SCAF8: variants seen among roughly 807,000 people sequenced by gnomAD.
SCAF8 encodes SR-related CTD associated factor 8, also known as SR-related and CTD-associated factor 8.
Under a neutral mutation model 140.5 loss-of-function variants are expected in SCAF8, and 23 were observed. The observed-to-expected ratio is 0.16, with a 90% CI of 0.12 to 0.23. The LOEUF (loss-of-function observed/expected upper bound fraction) is 0.23. Among genes scored for constraint, SCAF8 ranks in the 10% least tolerant of loss-of-function variants. SCAF8 has a pLI of 1.00. For synonymous variants in SCAF8, 575 were observed against 528.9 expected, an observed-to-expected ratio of 1.09 and a Z score of -1.20; for missense variants, 1,397 against 1,555.7, an observed-to-expected ratio of 0.90 and a Z score of 1.72.
chr6:154,804,749 TG>T (rs912055565), intron 8 of SCAF8, among the ~76,000 whole-genome samples: 6 of 152,188 alleles, frequency 3.9e-5, no homozygotes, highest in African/African-American at 1.4e-4. Flanking sequence ...TTGGCTCTTT[TG>T]GGATGCCCTT....
rs1778328599 is a variant in SCAF8, at chr6:154,733,795, C to CA, written c.-106_-105insA. On this transcript the variant is annotated 5_prime_UTR_variant, in exon 1 of 20. Transcript: ENST00000367178. ...TCGCAGCGGCCCGCTCTCCCGCCAG[C>CA]GCCCCCTCCTCGCGGCCACGCAGCA... 7.1e-7 allele frequency: 1 copy of CA among 1,410,188 alleles called. No homozygotes were observed. The highest frequency in any genetic ancestry group is 1.5e-5 in the African/African-American group (1 of 66,972). 87.4% of individuals were successfully genotyped at this position (1,410,188 alleles called of 1,614,324 possible).
intron 9 of SCAF8, 41 bp from the exon 10 acceptor site, chr6:154,808,027 AAG>A (rs761304218): frequency 3.4e-5 from 52 of 1,547,452 alleles, no homozygotes; most frequent in Non-Finnish European, 4.5e-5. Context: ...TCATAACAAA[AAG>A]TATCTCCCAA....
chr6:154,803,650 GT>G (rs746488408), intron 8 of SCAF8, 27 bp downstream of exon 8: 5 of 1,424,522 alleles, frequency 3.5e-6, no homozygotes, highest in Admixed American at 1.7e-5. Context: ...TATAGCCATA[GT>G]TTTTTTATAT....
chr6:154,801,924 GA>G, intron 6 of SCAF8, 46 bp from the exon 7 acceptor site: 1 of 1,433,578 alleles, frequency 7.0e-7, no homozygotes, highest in South Asian at 1.4e-5. Context: ...CACTCTTACA[GA>G]AAAAACCCAA....
intron 10 of SCAF8, 130 bp downstream of exon 10, chr6:154,808,331 T>C (rs1777984047): frequency 2.1e-6 from 2 of 965,096 alleles, no homozygotes; most frequent in South Asian, 3.3e-5. Flanking sequence ...TTGTTTCACC[T>C]ATTAGGCCAA....
At chr6:154,749,323 A>G (rs989360660) in intron 1 of SCAF8, among the ~76,000 whole-genome samples, 1 of 152,208 alleles carries the variant, frequency 6.6e-6, no homozygotes, top group Non-Finnish European at 1.5e-5. Context: ...TTGCTTTAAT[A>G]CAATAATAGC....
At chr6:154,749,773 A>G (rs1405326260) in intron 1 of SCAF8, among the ~76,000 whole-genome samples, 2 of 152,186 alleles carry the variant, frequency 1.3e-5, no homozygotes, top group African/African-American at 4.8e-5. Flanking sequence ...TCAAAAGGGA[A>G]TTGAGAGTCT....
At chr6:154,764,599 C>G (rs1776508669) in intron 1 of SCAF8, among the ~76,000 whole-genome samples, 1 of 152,104 alleles carries the variant, frequency 6.6e-6, no homozygotes, top group South Asian at 2.1e-4. Flanking sequence ...GGATCAGCAG[C>G]CACTTAAGAC....
intron 9 of SCAF8, among the ~76,000 whole-genome samples, chr6:154,806,001 G>A (rs1222608671): frequency 6.6e-6 from 1 of 152,086 alleles, no homozygotes; most frequent in East Asian, 1.9e-4. Context: ...TCAGGCGATG[G>A]GCATTATGAC....
chr6:154,795,299 G>A (rs977179306), intron 6 of SCAF8, among the ~76,000 whole-genome samples, 160 bp downstream of exon 6: 7 of 151,928 alleles, frequency 4.6e-5, no homozygotes, highest in African/African-American at 1.7e-4. Context: ...ATTTAATAGT[G>A]CATCATGAAT....
intron 1 of SCAF8, among the ~76,000 whole-genome samples, chr6:154,745,381 T>A (rs9397743): frequency 0.14 from 22,017 of 151,980 alleles, 2,145 homozygotes; most frequent in East Asian, 0.43. Context: ...GTTTATTATT[T>A]TTTTTTAAAT....
intron 1 of SCAF8, among the ~76,000 whole-genome samples, chr6:154,740,844 C>A (rs1177576280): frequency 6.6e-6 from 1 of 151,840 alleles, no homozygotes; most frequent in Non-Finnish European, 1.5e-5. Flanking sequence ...GTGTAGAACT[C>A]CTGGTCTCAA....
At chr6:154,828,820 GTAT>G (rs545253584) in intron 18 of SCAF8, among the ~76,000 whole-genome samples, 2 of 152,212 alleles carry the variant, frequency 1.3e-5, no homozygotes, top group Middle Eastern at 3.4e-3. Flanking sequence ...TGAATATGAA[GTAT>G]TATTAAAGAA....
chr6:154,749,425 C>T lies in SCAF8; in HGVS notation c.30+15495C>T, dbSNP rs527279473. Among the ~76,000 whole-genome samples, 52 of 152,298 alleles carry T rather than the reference C, an allele frequency of 3.4e-4. No homozygotes were observed. The South Asian group carries it at 0.011, about 31-fold the overall frequency. On this transcript the variant is annotated intron_variant, in intron 1 of 19. Transcript: ENST00000367178. Reference sequence around the variant, plus strand: ...TTGAGCTTTGTTACTTGCTTGCCATCTGTCAGCCATTCTGCAGGGTAGTCC... The same window carrying T: ...TTGAGCTTTGTTACTTGCTTGCCATTTGTCAGCCATTCTGCAGGGTAGTCC...
intron 9 of SCAF8, among the ~76,000 whole-genome samples, chr6:154,806,530 G>A (rs973305874): frequency 3.3e-5 from 5 of 152,276 alleles, no homozygotes; most frequent in African/African-American, 7.2e-5. Context: ...AATGGAGCAC[G>A]TACATCTGTA....
At chr6:154,741,307 A>G (rs1778561848) in intron 1 of SCAF8, among the ~76,000 whole-genome samples, 2 of 152,196 alleles carry the variant, frequency 1.3e-5, no homozygotes, top group Non-Finnish European at 2.9e-5. Flanking sequence ...GAGTTCAATT[A>G]TTTCATTCTA....
chr6:154,824,564 G>T (rs748534223), intron 17 of SCAF8, among the ~76,000 whole-genome samples, 186 bp downstream of exon 17: 3 of 152,304 alleles, frequency 2.0e-5, no homozygotes, highest in South Asian at 4.1e-4. Flanking sequence ...AGGGGCCAGA[G>T]AATTTTATTT....
chr6:154,800,482 T>C (rs1777741239), intron 6 of SCAF8, among the ~76,000 whole-genome samples: 1 of 151,514 alleles, frequency 6.6e-6, no homozygotes, highest in African/African-American at 2.4e-5. Context: ...AAACTATAAA[T>C]GGTGGGCTCA....
At chr6:154,761,347 A>G (rs1308078489) in intron 1 of SCAF8, among the ~76,000 whole-genome samples, 1 of 152,112 alleles carries the variant, frequency 6.6e-6, no homozygotes, top group Non-Finnish European at 1.5e-5. Context: ...TTTGCTGGGC[A>G]TAGTGGCGGG....
Sources: allele counts gnomAD v4.1 joint callset (sites outside exome capture counted in the v4.1 genomes callset), GRCh38; gene constraint gnomAD v4.1.1; transcripts MANE v1.5; gene names NCBI Gene and HGNC (gene_info 2026-07-23, HGNC 2026-07-21).